PAQR6: variants seen among roughly 807,000 people sequenced by gnomAD.
The protein encoded by PAQR6 is progestin and adipoQ receptor family member 6.
A neutral mutation model predicts 36.2 loss-of-function variants in PAQR6; 34 were observed. The observed-to-expected ratio is 0.94, with a 90% confidence interval of 0.71 to 1.25. The LOEUF (loss-of-function observed/expected upper bound fraction) is 1.25. PAQR6 is among the 50% of genes most tolerant of loss of function. The pLI, the probability that PAQR6 is intolerant of heterozygous loss-of-function variation, is 0.00. For synonymous variants in PAQR6, 190 were observed against 190.7 expected, an observed-to-expected ratio of 1.00 and a Z score of 0.03; for missense variants, 431 against 445.7, an observed-to-expected ratio of 0.97 and a Z score of 0.30.
intron 5 of PAQR6, 39 bp from the exon 6 acceptor site, chr1:156,245,277 G>A (rs761161646): frequency 1.3e-6 from 2 of 1,569,044 alleles, no homozygotes; most frequent in Admixed American, 3.3e-5. Flanking sequence ...CCATCGCTGT[G>A]CTTGGGGTAG....
rs763363246 is a variant in PAQR6, at chr1:156,246,668, T to G, written c.51+13A>C. 3 of 1,613,020 alleles carry G rather than the reference T, an allele frequency of 1.9e-6. No homozygotes were observed. Among genetic ancestry groups the G allele is most frequent in the Non-Finnish European group, 2.5e-6 (3 of 1,179,498 alleles). On this transcript the variant is annotated intron_variant, in intron 2 of 7. Transcript: ENST00000292291. Reference sequence around the variant, plus strand: ...GAATGGGGGTTGGTGGGTCAGTGGGTGGAGCCCCTCACCCGGGGGACCTGG... The same window carrying G: ...GAATGGGGGTTGGTGGGTCAGTGGGGGGAGCCCCTCACCCGGGGGACCTGG...
intron 1 of PAQR6, 96 bp from the exon 2 acceptor site, chr1:156,246,852 G>A: frequency 9.6e-7 from 1 of 1,039,012 alleles, no homozygotes; most frequent in Non-Finnish European, 1.4e-6. Context: ...GTGCGTGTGG[G>A]AGGCAGATGG....
chr1:156,245,866 C>T lies in PAQR6; in HGVS notation c.301G>A (p.Ala101Thr). ...ACLYPFASCC[A>T]HTFSSMSPRM... ...GGCGACATGGAGCTGAAGGTGTGCGCGCAGCACGACGCGAAGGGGTAGAGG... is the reference window on the plus strand; with the variant it reads ...GGCGACATGGAGCTGAAGGTGTGCGTGCAGCACGACGCGAAGGGGTAGAGG... Residue 101 changes from alanine (A) to threonine (T), a missense_variant, in exon 4 of 8, where the codon GCG becomes ACG. By Grantham distance (58) the Ala-to-Thr change is moderately conservative. Coordinates refer to ENST00000292291, the MANE Select transcript of PAQR6 (RefSeq NM_198406.3). 6.2e-7 allele frequency: 1 copy of T among 1,602,648 alleles called. No homozygotes were observed. The highest frequency in any genetic ancestry group is 1.7e-5 in the Admixed American group (1 of 57,998).
intron 2 of PAQR6, 57 bp from the exon 3 acceptor site, chr1:156,246,307 C>T (rs2103177735): frequency 6.8e-7 from 1 of 1,471,616 alleles, no homozygotes. Flanking sequence ...TTCCCTCCAT[C>T]TGAGATCTCT....
intron 5 of PAQR6, 49 bp from the exon 6 acceptor site, chr1:156,245,287 G>T: frequency 1.3e-6 from 2 of 1,551,246 alleles, no homozygotes; most frequent in South Asian, 2.2e-5. Flanking sequence ...GCTTGGGGTA[G>T]GGGTCAGAGA....
In PAQR6 at chr1:156,243,684, G is replaced by A; in HGVS notation, c.*445C>T. On this transcript the variant is annotated 3_prime_UTR_variant, in exon 8 of 8. Coordinates refer to ENST00000292291, the MANE Select transcript of PAQR6 (RefSeq NM_198406.3). ...CATTACCTGGTTTGTGGGGATGGGGGGGCAAGTGTGTGGCCTCTCGGCCTG... is the reference window on the plus strand; with the variant it reads ...CATTACCTGGTTTGTGGGGATGGGGAGGCAAGTGTGTGGCCTCTCGGCCTG... 3 of 779,624 alleles carry A rather than the reference G, an allele frequency of 3.8e-6. No individual in the cohort carries two copies. Among genetic ancestry groups the A allele is most frequent in the Non-Finnish European group, 6.0e-6 (3 of 496,320 alleles). 48.3% of individuals were successfully genotyped at this position (779,624 alleles called of 1,614,324 possible).
intron 1 of PAQR6, among the ~76,000 whole-genome samples, chr1:156,247,252 T>C (rs1660705939): frequency 6.6e-6 from 1 of 152,220 alleles, no homozygotes; most frequent in Non-Finnish European, 1.5e-5. Context: ...GGTAGGGGGA[T>C]GCCTGGCTTT....
intron 6 of PAQR6, 78 bp downstream of exon 6, chr1:156,245,064 G>A: frequency 6.2e-7 from 1 of 1,602,860 alleles, no homozygotes; most frequent in Non-Finnish European, 8.5e-7. Flanking sequence ...GGGACTGAGG[G>A]GGCAGGGCTG....
intron 2 of PAQR6, 59 bp from the exon 3 acceptor site, chr1:156,246,309 G>T: frequency 1.4e-6 from 2 of 1,461,826 alleles, no homozygotes; most frequent in Admixed American, 3.6e-5. Flanking sequence ...CCCTCCATCT[G>T]AGATCTCTGG....
Position 156,246,808 on chromosome 1 carries a change from C to A in PAQR6, c.-25-52G>T, listed in dbSNP as rs1660587020. 6 of 1,479,902 alleles carry A rather than the reference C, an allele frequency of 4.1e-6. No individual in the cohort carries two copies. In the South Asian group the frequency reaches 7.4e-5, roughly 18 times the overall value. 91.7% of individuals were successfully genotyped at this position (1,479,902 alleles called of 1,614,324 possible). A position where few individuals can be genotyped will look rare whatever the true frequency, so the allele number is the denominator to read the frequency against. On this transcript the variant is annotated intron_variant, in intron 1 of 7. Transcript: ENST00000292291. ...TCAGATAACTGCCCCCATCCACAGG[C>A]CCCTTTCACCTGGGTTCAGCCGCAG... is the stretch of plus-strand genomic sequence containing the variant.
At chr1:156,245,491 G>A (rs1660252101) in intron 5 of PAQR6, 44 bp downstream of exon 5, 1 of 1,606,926 alleles carries the variant, frequency 6.2e-7, no homozygotes, top group Non-Finnish European at 8.5e-7. Context: ...CCTCTCCTGT[G>A]CCTCCGCCTT....
At chr1:156,246,547 T>C (rs1660527511) in intron 2 of PAQR6, 134 bp downstream of exon 2, 1 of 1,056,530 alleles carries the variant, frequency 9.5e-7, no homozygotes, top group Admixed American at 2.8e-5. Context: ...AGAGGAAGAG[T>C]CTCACACTGG....
rs750142112 is a variant in PAQR6, at chr1:156,245,590, C to A, written c.457G>T (p.Val153Leu). 1.1e-5 allele frequency: 17 copies of A among 1,612,978 alleles called. No individual in the cohort carries two copies. The South Asian group carries it at 1.6e-4, about 16-fold the overall frequency. Residue 153 changes from valine (V) to leucine (L), a missense_variant, in exon 5 of 8, where the codon GTG becomes TTG. Val to Leu is a conservative substitution (Grantham distance 32). Transcript: ENST00000292291. Reference protein sequence around the residue: ...WLHGHLHQFFVPAAALNSFLC... With the variant: ...WLHGHLHQFFLPAAALNSFLC... ...AAGGAGTTGAGTGCGGCGGCAGGCA[C>A]AAAGAACTGGTGCAGGTGGCCGTGC...
At chr1:156,247,775 G>A (rs1330668959) in intron 1 of PAQR6, 182 bp downstream of exon 1, 1 of 288,582 alleles carries the variant, frequency 3.5e-6, no homozygotes, top group Non-Finnish European at 7.2e-6. Context: ...CATCTATCTG[G>A]GGGAGGAGTG....
intron 2 of PAQR6, among the ~76,000 whole-genome samples, chr1:156,246,459 G>A (rs948566761): frequency 2.0e-5 from 3 of 152,122 alleles, no homozygotes; most frequent in Admixed American, 2.0e-4. Context: ...GGGTGGGATG[G>A]GGGTGGAGCG....
chr1:156,245,717 GCGT>G, intron 4 of PAQR6, 56 bp from the exon 5 acceptor site: 5 of 1,582,836 alleles, frequency 3.2e-6, no homozygotes, highest in Non-Finnish European at 4.3e-6. Flanking sequence ...CCTATGTCCC[GCGT>G]CCCACCCCTC....
chr1:156,243,968 A>AC lies in PAQR6; in HGVS notation c.*160dup. The AC allele has an allele frequency of 6.2e-7, 1 of 1,613,500 alleles. No individual in the cohort carries two copies. Among genetic ancestry groups the AC allele is most frequent in the Non-Finnish European group, 8.5e-7 (1 of 1,179,838 alleles). ...TCACACTCTGCCAGTCCCCCTAGAC[A>AC]CCCCTCCTCTTCTCTGCCCTCTCTC... On this transcript the variant is annotated 3_prime_UTR_variant, in exon 8 of 8. Transcript: ENST00000292291.
rs772329729 is a variant in PAQR6 at position 156,246,121 on chromosome 1, A to C, written c.179+2T>G. ...GCGGCCTGGGGCGGAGCCTCCCCTC[A>C]CCAGGTGGGCAGGAAGTGAGTCCAG... On this transcript the variant is annotated splice_donor_variant, in intron 3 of 7. Coordinates refer to ENST00000292291, the MANE Select transcript of PAQR6 (RefSeq NM_198406.3). LOFTEE classifies it high-confidence loss of function. 1.2e-6 allele frequency: 2 copies of C among 1,611,406 alleles called. No homozygotes were observed. Among genetic ancestry groups the C allele is most frequent in the East Asian group, 4.5e-5 (2 of 44,840 alleles).
At position 156,244,092 on chromosome 1, in the gene PAQR6, C is replaced by T; in HGVS notation, c.*37G>A. On this transcript the variant is annotated 3_prime_UTR_variant, in exon 8 of 8. Transcript: ENST00000292291. ...GCTCCTCGTCAGCACTGGGGCCTGG[C>T]CTCTGCCCCCTCCAGGACAGGGTCA... The T allele has an allele frequency of 6.2e-7, 1 of 1,610,638 alleles. No homozygotes were observed. Among genetic ancestry groups the T allele is most frequent in the Non-Finnish European group, 8.5e-7 (1 of 1,177,536 alleles).
Sources: allele counts gnomAD v4.1 joint callset (sites outside exome capture counted in the v4.1 genomes callset), GRCh38; gene constraint gnomAD v4.1.1; transcripts MANE v1.5; gene names NCBI Gene and HGNC (gene_info 2026-07-23, HGNC 2026-07-21).